Variants in HTRA4 observed in about 807,000 individuals in gnomAD.
The protein encoded by HTRA4 is serine protease HTRA4.
Under a neutral mutation model 49.1 loss-of-function variants are expected in HTRA4, and 46 were observed. That is an observed-to-expected ratio of 0.94 (90% CI 0.74 to 1.20). The LOEUF (loss-of-function observed/expected upper bound fraction) is 1.20. Among genes scored for constraint, HTRA4 ranks in the 50% most tolerant of loss-of-function variants. The pLI is 0.00. For synonymous variants in HTRA4, 261 were observed against 264.0 expected (o/e 0.99, Z 0.11); for missense variants, 602 against 636.9 (o/e 0.95, Z 0.59).
Position 38,978,092 on chromosome 8 carries a change from A to G in HTRA4, c.911A>G (p.Glu304Gly). ...IVSTKQRGGK[E>G]LGMKDSDMDY... is the part of the protein sequence containing the mutation. ...AGCACCAAACAGCGAGGGGGCAAAG[A>G]ACTGGGGATGAAGGATTCAGATATG... Residue 304 changes from glutamate (E) to glycine (G), a missense_variant, in exon 4 of 9, where the codon GAA (glutamate) becomes GGA (glycine). By Grantham distance (98) the Glu-to-Gly change is moderately conservative. Transcript: ENST00000302495. 6.2e-7 allele frequency: 1 copy of G among 1,614,108 alleles called. No individual in the cohort carries two copies. Among genetic ancestry groups the G allele is most frequent in the Non-Finnish European group, 8.5e-7 (1 of 1,180,000 alleles).
rs1478562380 is a variant in HTRA4 at position 38,983,016 on chromosome 8, A to G, written c.1236A>G (p.Val412=). 3 of 1,613,656 alleles carry G rather than the reference A, an allele frequency of 1.9e-6. No individual in the cohort carries two copies. The highest frequency in any genetic ancestry group is 2.7e-5 in the African/African-American group (2 of 74,910). Residue 412 remains valine, a synonymous_variant, in exon 8 of 9, where the codon GTA becomes GTG. Coordinates refer to ENST00000302495, the MANE Select transcript of HTRA4 (RefSeq NM_153692.4). The stretch of plus-strand genomic sequence containing the variant: ...CTGATGTGAGTTCTGGGGTTTATGT[A>G]TGTAAAGTGGTTGAAGGAACAGCTG... ...DFPDVSSGVY[V]CKVVEGTAAQ...
In HTRA4 at chr8:38,976,618, C is replaced by T. The variant is rs560670907; in HGVS notation, c.650C>T (p.Ala217Val). ...GAGGACGGGCTCATTATTACCAATG[C>T]CCATGTTGTCAGGAACCAGCAGTGG... ...VSEDGLIITN[A>V]HVVRNQQWIE... The change falls in exon 3 of 9, where the codon GCC (alanine) becomes GTC (valine). Residue 217 changes from alanine (A) to valine (V), a missense_variant. Physicochemically the swap from Ala to Val is moderately conservative, Grantham distance 64. Transcript: ENST00000302495. 2.0e-5 allele frequency: 33 copies of T among 1,614,070 alleles called. No homozygotes were observed. The South Asian group carries it at 3.3e-4, about 16-fold the overall frequency.
rs1835314282 is a variant in HTRA4 at position 38,974,402 on chromosome 8, A to ACGCGCTGCCT, written c.148_149insTCGCGCTGCC (p.Pro50LeufsTer32). 2 of 1,562,086 alleles carry ACGCGCTGCCT rather than the reference A, an allele frequency of 1.3e-6. No individual in the cohort carries two copies. ...CTCCTGCCCCGCGGTCTGCCAGCCC[A>ACGCGCTGCCT]CGCGCTGCCCCGCGCTGCCCACCTG... On this transcript the variant is annotated frameshift_variant, in exon 1 of 9. Transcript: ENST00000302495. LOFTEE classifies it high-confidence loss of function.
intron 8 of HTRA4, among the ~76,000 whole-genome samples, chr8:38,983,709 A>T (rs1266243035): frequency 6.6e-6 from 1 of 151,924 alleles, no homozygotes; most frequent in Non-Finnish European, 1.5e-5. Flanking sequence ...CTATTTAAAA[A>T]TTTTTAAAAA....
intron 2 of HTRA4, among the ~76,000 whole-genome samples, chr8:38,975,934 C>T (rs943962028): frequency 2.6e-5 from 4 of 152,128 alleles, no homozygotes; most frequent in East Asian, 1.9e-4. Context: ...TCAGTCTTTT[C>T]GCAGCAGAGA....
rs748316660 is a variant in HTRA4, at chr8:38,974,446, G to A, written c.183G>A (p.Pro61=). Residue 61 remains proline, a synonymous_variant, in exon 1 of 9, where the codon CCG becomes CCA. Transcript: ENST00000302495. ...ALPTCALGTT[P]VFDLCRCCRV... The stretch of plus-strand genomic sequence containing the variant: ...CCACCTGCGCGCTGGGGACCACGCC[G>A]GTGTTCGACCTGTGCCGCTGTTGCC... 8 of 1,542,588 alleles carry A rather than the reference G, an allele frequency of 5.2e-6. No individual in the cohort carries two copies. In the Admixed American group the frequency reaches 7.8e-5, roughly 15 times the overall value.
rs1283524909 is a variant in HTRA4 at position 38,981,662 on chromosome 8, G to T, written c.1009G>T (p.Val337Leu). 6.2e-7 allele frequency: 1 copy of T among 1,613,062 alleles called. No individual in the cohort carries two copies. The highest frequency in any genetic ancestry group is 8.5e-7 in the Non-Finnish European group (1 of 1,179,508). ...GGPLVNLDGD[V>L]IGVNSLRVTD... ...TCCCCTCCCTTGCCAGGATGGTGAT[G>T]TGATTGGCGTCAATTCATTGAGGGT... is the stretch of plus-strand genomic sequence containing the variant. The change falls in exon 6 of 9, where the codon GTG becomes TTG. Residue 337 changes from valine to leucine, a missense_variant. Physicochemically the swap from Val to Leu is conservative, Grantham distance 32. Coordinates refer to ENST00000302495, the MANE Select transcript of HTRA4 (RefSeq NM_153692.4).
chr8:38,974,320 G>C lies in HTRA4; in HGVS notation c.57G>C (p.Leu19=). The stretch of plus-strand genomic sequence containing the variant: ...TGGGACGATGCCTCCTGCCGGGGCT[G>C]CTGCTGCTCCTGGTGCCCGTCCTCT... ...AGLGRCLLPG[L]LLLLVPVLWA... The change falls in exon 1 of 9, where the codon CTG becomes CTC. Residue 19 remains leucine, a synonymous_variant. Transcript: ENST00000302495. 1 of 1,612,996 alleles carries C rather than the reference G, an allele frequency of 6.2e-7. No individual in the cohort carries two copies. The highest frequency in any genetic ancestry group is 1.1e-5 in the South Asian group (1 of 90,932).
At chr8:38,976,353 G>T (rs1048409527) in intron 2 of HTRA4, among the ~76,000 whole-genome samples, 182 bp from the exon 3 acceptor site, 2 of 152,154 alleles carry the variant, frequency 1.3e-5, no homozygotes, top group African/African-American at 4.8e-5. Flanking sequence ...AGCCGAGATT[G>T]CGCCACTGCA....
rs745411832 is a variant in HTRA4, at chr8:38,982,522, A to G, written c.1139A>G (p.Tyr380Cys). The change falls in exon 7 of 9, where the codon TAT becomes TGT. Residue 380 changes from tyrosine (Y) to cysteine (C), a missense_variant. By Grantham distance (194) the Tyr-to-Cys change is radical. Transcript: ENST00000302495. The part of the protein sequence containing the change: ...MKGKAFSNKK[Y>C]LGLQMLSLTV... The stretch of plus-strand genomic sequence containing the variant: ...GGAAAGGCGTTTTCAAATAAGAAAT[A>G]TCTGGGTCTGCAAATGCTGTCCCTC... 9 of 1,614,200 alleles carry G rather than the reference A, an allele frequency of 5.6e-6. No homozygotes were observed. In the Middle Eastern group the frequency reaches 4.9e-4, roughly 89 times the overall value.
intron 8 of HTRA4, among the ~76,000 whole-genome samples, chr8:38,984,800 T>C (rs903927723): frequency 6.6e-6 from 1 of 152,036 alleles, no homozygotes; most frequent in Admixed American, 6.6e-5. Context: ...GGTTTGCACC[T>C]GTGGTCCCAG....
At chr8:38,981,520 G>C (rs1224063861) in intron 5 of HTRA4, 133 bp from the exon 6 acceptor site, 17 of 636,718 alleles carry the variant, frequency 2.7e-5, no homozygotes, top group Non-Finnish European at 4.2e-5. Context: ...GCTCTCTTTT[G>C]AAGTACAAAG....
chr8:38,982,337 G>T (rs1329514986), intron 6 of HTRA4, among the ~76,000 whole-genome samples, 161 bp from the exon 7 acceptor site: 1 of 152,166 alleles, frequency 6.6e-6, no homozygotes, highest in Non-Finnish European at 1.5e-5. Flanking sequence ...GGTGGGAGGA[G>T]TGTAAGTGCT....
In HTRA4 at chr8:38,988,544, G is replaced by C. The variant is rs569312343; in HGVS notation, c.*446G>C. The C allele has an allele frequency of 6.5e-6, 1 of 153,030 alleles. No homozygotes were observed. The highest frequency in any genetic ancestry group is 2.1e-4 in the South Asian group (1 of 4,860). 9.5% of individuals were successfully genotyped at this position (153,030 alleles called of 1,614,324 possible). ...TAATGCATGCTGGGCTTAACACCCAGGTGATGGGTTGATTGATAGGTGCAG... is the reference window on the plus strand; with the variant it reads ...TAATGCATGCTGGGCTTAACACCCACGTGATGGGTTGATTGATAGGTGCAG... On this transcript the variant is annotated 3_prime_UTR_variant, in exon 9 of 9. Transcript: ENST00000302495.
At chr8:38,984,270 G>T (rs1835458360) in intron 8 of HTRA4, among the ~76,000 whole-genome samples, 1 of 151,584 alleles carries the variant, frequency 6.6e-6, no homozygotes. Flanking sequence ...CACAGTACTG[G>T]GATTACAGGC....
chr8:38,987,787 T>C (rs1835502156), intron 8 of HTRA4, 149 bp from the exon 9 acceptor site: 1 of 578,714 alleles, frequency 1.7e-6, no homozygotes, highest in Non-Finnish European at 2.7e-6. Context: ...AATAGCTTTA[T>C]GATTTGGAAG....
At chr8:38,974,807 C>T (rs986963078) in intron 1 of HTRA4, 78 bp downstream of exon 1, 4 of 1,322,512 alleles carry the variant, frequency 3.0e-6, no homozygotes, top group Non-Finnish European at 4.0e-6. Flanking sequence ...TCACTGAGAC[C>T]GCACAGTTCG....
At position 38,976,568 on chromosome 8, in the gene HTRA4, C is replaced by T. The variant is rs1428294455; in HGVS notation, c.600C>T (p.Tyr200=). 6.2e-7 allele frequency: 1 copy of T among 1,613,974 alleles called. No homozygotes were observed. Residue 200 remains tyrosine (Y), a synonymous_variant, in exon 3 of 9, where the codon TAC becomes TAT. Transcript: ENST00000302495. ...ACGGCAGCAGGCTTGTTCCTGTGTACAGTGGCTCTGGGTTCATAGTGTCTG... is the reference window on the plus strand; with the variant it reads ...ACGGCAGCAGGCTTGTTCCTGTGTATAGTGGCTCTGGGTTCATAGTGTCTG... The part of the protein sequence containing the change: ...LLHGSRLVPV[Y]SGSGFIVSED...
In HTRA4 at chr8:38,974,589, C is replaced by G. The variant is rs1835318903; in HGVS notation, c.326C>G (p.Pro109Arg). The change falls in exon 1 of 9, where the codon CCG becomes CGG. Residue 109 changes from proline to arginine, a missense_variant. Physicochemically the swap from Pro to Arg is moderately radical, Grantham distance 103. Transcript: ENST00000302495. ...GGGTTCCCCAGCACCTGCGGTTGCC[C>G]GACGCTGGGAGGGGCCGTGTGCGGC... ...RPGFPSTCGCPTLGGAVCGSD... is the reference protein window; with the variant it reads ...RPGFPSTCGCRTLGGAVCGSD... 1.1e-5 allele frequency: 16 copies of G among 1,424,810 alleles called. No individual in the cohort carries two copies. Among genetic ancestry groups the G allele is most frequent in the East Asian group, 3.0e-5 (1 of 33,588 alleles). The allele number at this position is 1,424,810 out of a possible 1,614,324, so 88.3% of individuals were successfully genotyped here.
Sources: gnomAD v4.1 joint callset for allele counts (sites outside exome capture counted in the v4.1 genomes callset) on GRCh38, gnomAD v4.1.1 for gene constraint, MANE v1.5 for transcripts, NCBI Gene and HGNC (gene_info 2026-07-23, HGNC 2026-07-21) for gene names.